Variants in SLC4A8 observed in about 807,000 individuals in gnomAD.
SLC4A8 encodes the protein electroneutral sodium bicarbonate exchanger 1.
A neutral mutation model predicts 125.0 loss-of-function variants in SLC4A8; 40 were observed. The observed-to-expected ratio is 0.32, with a 90% CI of 0.25 to 0.42. The LOEUF is 0.42. Among genes scored for constraint, SLC4A8 ranks in the 10% least tolerant of loss-of-function variants. The pLI, the probability that SLC4A8 is intolerant of heterozygous loss-of-function variation, is 1.00. For missense variants in SLC4A8, 863 were observed against 1,355.1 expected (o/e 0.64, Z 5.70); for synonymous variants, 456 against 476.0 (o/e 0.96, Z 0.55).
At chr12:51,448,634 T>C (rs1430411541) in intron 2 of SLC4A8, among the ~76,000 whole-genome samples, 1 of 152,156 alleles carries the variant, frequency 6.6e-6, no homozygotes, top group African/African-American at 2.4e-5. Context: ...GGGAGGGCAG[T>C]GGCACCGGAG....
chr12:51,396,998 C>G (rs1158663107), intron 1 of SLC4A8, among the ~76,000 whole-genome samples: 1 of 134,342 alleles, frequency 7.4e-6, no homozygotes, highest in Admixed American at 8.6e-5. Flanking sequence ...CGCACGATCT[C>G]AGCTCACTGC....
intron 2 of SLC4A8, 160 bp downstream of exon 2, chr12:51,440,949 G>A: frequency 1.1e-6 from 1 of 942,496 alleles, no homozygotes; most frequent in African/African-American, 1.7e-5. Context: ...AAATAAAAGT[G>A]GGGATACTAA....
intron 11 of SLC4A8, among the ~76,000 whole-genome samples, chr12:51,463,922 T>C (rs191669713): frequency 1.5e-3 from 225 of 152,300 alleles, no homozygotes; most frequent in Non-Finnish European, 2.9e-3. Flanking sequence ...TCACCTACCA[T>C]GTTTTGTCTC....
chr12:51,411,504 A>C (rs1948597206), intron 1 of SLC4A8, among the ~76,000 whole-genome samples: 1 of 151,944 alleles, frequency 6.6e-6, no homozygotes, highest in Non-Finnish European at 1.5e-5. Context: ...TAGGAGGATC[A>C]CCTGAGCCCA....
chr12:51,444,651 G>A (rs1293008394), intron 2 of SLC4A8, among the ~76,000 whole-genome samples: 1 of 152,130 alleles, frequency 6.6e-6, no homozygotes, highest in East Asian at 1.9e-4. Flanking sequence ...GCAGTAATAA[G>A]TCAGGACAGT....
chr12:51,485,760 C>T (rs759121086), intron 16 of SLC4A8, 27 bp from the exon 17 acceptor site: 1 of 1,318,176 alleles, frequency 7.6e-7, no homozygotes, highest in Admixed American at 1.7e-5. Context: ...CCTGCCAAAA[C>T]ATGTGTCCAC....
chr12:51,428,978 C>T (rs747287990), intron 1 of SLC4A8, among the ~76,000 whole-genome samples: 16 of 152,186 alleles, frequency 1.1e-4, no homozygotes, highest in Admixed American at 3.3e-4. Flanking sequence ...GGCATGATCT[C>T]GGCTCACTGC....
chr12:51,450,617 T>G (rs1197450942), intron 2 of SLC4A8: 2 of 446,406 alleles, frequency 4.5e-6, no homozygotes, highest in African/African-American at 2.1e-5. Flanking sequence ...CCTTTACAGT[T>G]TGGAAATCAC....
At chr12:51,407,659 G>T (rs1948514643) in intron 1 of SLC4A8, 1 of 152,202 alleles carries the variant, frequency 6.6e-6, no homozygotes, top group South Asian at 2.1e-4. Context: ...TCTCCAGGAA[G>T]TATGCCCCTA....
intron 1 of SLC4A8, among the ~76,000 whole-genome samples, chr12:51,400,783 CAT>C (rs72110953): frequency 0.32 from 2,594 of 8,090 alleles, 387 homozygotes; most frequent in Admixed American, 0.46. Context: ...TATATACATA[CAT>C]ACACACACAC....
chr12:51,412,284 T>G (rs1222491691), intron 1 of SLC4A8, among the ~76,000 whole-genome samples: 2 of 152,194 alleles, frequency 1.3e-5, no homozygotes, highest in Admixed American at 1.3e-4. Flanking sequence ...TATATCTTTA[T>G]TTTTAAAAAT....
At chr12:51,424,356 C>T (rs11836489), upstream of SLC4A8, 13,622 of 151,988 alleles carry the variant, frequency 0.09, 687 homozygotes, top group East Asian at 0.22. Flanking sequence ...AGAAGAAGAC[C>T]TAAGTCATAG....
At chr12:51,480,303 AATGTATTTAT>A (rs1345116857) in intron 16 of SLC4A8, 1 of 1,241,212 alleles carries the variant, frequency 8.1e-7, no homozygotes, top group Non-Finnish European at 1.0e-6. Context: ...TCTTGCTTAA[AATGTATTTAT>A]ATGTATGTCT....
At chr12:51,453,512 G>A (rs1269604791) in intron 4 of SLC4A8, 27 bp from the exon 5 acceptor site, 2 of 1,602,934 alleles carry the variant, frequency 1.2e-6, no homozygotes, top group African/African-American at 1.3e-5. Context: ...TCTATCTTTG[G>A]CATCTAGTTA....
At position 51,440,953 on chromosome 12, in the gene SLC4A8, A is replaced by C. The variant is rs557917412; in HGVS notation, c.130+164A>C. On this transcript the variant is annotated intron_variant, in intron 2 of 24. Coordinates refer to ENST00000453097, the MANE Select transcript of SLC4A8 (RefSeq NM_001039960.3). ...CCTCATCTGGTAAATAAAAGTGGGG[A>C]TACTAATACTTGTCCTACCTTACAG... is the stretch of plus-strand genomic sequence containing the variant. The C allele has an allele frequency of 2.4e-4, 226 of 945,392 alleles. 1 individual carries two copies. In the African/African-American group the frequency reaches 3.4e-3, roughly 14 times the overall value. 58.6% of individuals were successfully genotyped at this position (945,392 alleles called of 1,614,324 possible). A position where few individuals can be genotyped will look rare whatever the true frequency, so the allele number is the denominator to read the frequency against.
rs869058430 is a variant in SLC4A8, at chr12:51,400,726, TTATATATATATATATATA to T, written c.-112+9273_-112+9290del. ...TTGAGAGGAGTGTGAATGAACTCCT[TTATATATATATATATATA>T]TATATATATATATATATATATATAT... On this transcript the variant is annotated intron_variant, in intron 1 of 24. Transcript: ENST00000358657. Among the ~76,000 whole-genome samples, 263 of 41,882 alleles carry T rather than the reference TTATATATATATATATATA, an allele frequency of 6.3e-3. 13 individuals carry two copies. Among genetic ancestry groups the T allele is most frequent in the Admixed American group, 0.023 (62 of 2,746 alleles). 27.5% of individuals were successfully genotyped at this position (41,882 alleles called of 152,430 possible). A position where few individuals can be genotyped will look rare whatever the true frequency, so the allele number is the denominator to read the frequency against.
At chr12:51,496,614 C>T (rs1011841109) in intron 21 of SLC4A8, among the ~76,000 whole-genome samples, 1 of 152,216 alleles carries the variant, frequency 6.6e-6, no homozygotes, top group Non-Finnish European at 1.5e-5. Context: ...CATCATCCCA[C>T]TGTGAGGAAT....
intron 1 of SLC4A8, among the ~76,000 whole-genome samples, chr12:51,435,323 C>T (rs1385285525): frequency 6.6e-6 from 1 of 152,132 alleles, no homozygotes; most frequent in Non-Finnish European, 1.5e-5. Context: ...TAATGAGAAG[C>T]TTTTCTCATC....
intron 16 of SLC4A8, among the ~76,000 whole-genome samples, chr12:51,476,638 G>A (rs745419612): frequency 2.0e-5 from 3 of 151,996 alleles, no homozygotes; most frequent in African/African-American, 4.8e-5. Context: ...CATTTTGCTG[G>A]CGAGAGATCT....
Sources: gnomAD v4.1 joint callset for allele counts (sites outside exome capture counted in the v4.1 genomes callset) on GRCh38, gnomAD v4.1.1 for gene constraint, MANE v1.5 for transcripts, NCBI Gene and HGNC (gene_info 2026-07-23, HGNC 2026-07-21) for gene names.